Variants in RNF212 observed in about 807,000 individuals in gnomAD.
RNF212 encodes the protein probable E3 SUMO-protein ligase RNF212.
Under a neutral mutation model 34.7 loss-of-function variants are expected in RNF212, and 33 were observed. The observed-to-expected ratio is 0.95, with a 90% CI of 0.72 to 1.27. The LOEUF (loss-of-function observed/expected upper bound fraction) is 1.27. RNF212 is among the 50% of genes most tolerant of loss of function. The pLI is 0.00. For missense variants in RNF212, 377 were observed against 362.2 expected (o/e 1.04, Z -0.33); for synonymous variants, 140 against 136.1 (o/e 1.03, Z -0.20).
intron 1 of RNF212, among the ~76,000 whole-genome samples, chr4:1,110,607 T>C (rs1725508334): frequency 6.6e-6 from 1 of 151,968 alleles, no homozygotes; most frequent in African/African-American, 2.4e-5. Flanking sequence ...CGGAAGGAGG[T>C]CTATGTTTGA....
intron 2 of RNF212, chr4:1,099,893 G>A (rs1248128504): frequency 2.2e-6 from 1 of 456,038 alleles, no homozygotes; most frequent in Non-Finnish European, 4.4e-6. Context: ...AAGGCGTGCT[G>A]TTGGTGACTC....
chr4:1,068,808 T>A (rs572784935), downstream of RNF212, among the ~76,000 whole-genome samples: 10 of 152,350 alleles, frequency 6.6e-5, no homozygotes, highest in South Asian at 1.7e-3. Context: ...AAATGTTAAT[T>A]TCATTGGATA....
rs1722634879 is a variant in RNF212 at position 1,093,970 on chromosome 4, T to C, written c.246+2795A>G. 2.6e-6 allele frequency: 4 copies of C among 1,536,068 alleles called. No homozygotes were observed. The South Asian group carries it at 4.8e-5, about 18-fold the overall frequency. ...TGGGCACCTCCTTGGAGGATGTGGC[T>C]GGGCATAACTTGAGACGGCAACAGC... is the stretch of plus-strand genomic sequence containing the variant. On this transcript the variant is annotated intron_variant, in intron 3 of 9. Coordinates refer to ENST00000433731, the MANE Select transcript of RNF212 (RefSeq NM_001131034.4).
chr4:1,059,113 T>G (rs1717562842), intron 3 of RNF212, among the ~76,000 whole-genome samples: 1 of 152,186 alleles, frequency 6.6e-6, no homozygotes, highest in Non-Finnish European at 1.5e-5. Context: ...CCCAGCGCAG[T>G]GACTGTGACT....
At chr4:1,073,565 GTATC>G in intron 9 of RNF212, 30 bp downstream of exon 9, 1 of 1,409,824 alleles carries the variant, frequency 7.1e-7, no homozygotes, top group Non-Finnish European at 1.0e-6. Flanking sequence ...ATCGATGCAT[GTATC>G]GGTCTGAGGT....
intron 8 of RNF212, among the ~76,000 whole-genome samples, chr4:1,077,251 A>C (rs1719468666): frequency 6.6e-6 from 1 of 152,150 alleles, no homozygotes; most frequent in Non-Finnish European, 1.5e-5. Flanking sequence ...CAAACAAAAA[A>C]CAAAAAGCAA....
At chr4:1,107,392 C>G (rs990276508) in intron 2 of RNF212, 10 of 151,682 alleles carry the variant, frequency 6.6e-5, no homozygotes, top group African/African-American at 2.2e-4. Context: ...CACAATAACA[C>G]ACATAGAATA....
intron 8 of RNF212, among the ~76,000 whole-genome samples, chr4:1,074,696 G>A (rs1373629690): frequency 6.6e-6 from 1 of 152,106 alleles, no homozygotes; most frequent in Non-Finnish European, 1.5e-5. Context: ...TTCTCATGGA[G>A]CTGTCCACTA....
chr4:1,073,695 TTCCAATATTGCGGCTTACGAGATTCGG>T (rs749052168), intron 8 of RNF212, 33 bp from the exon 9 acceptor site: 2 of 1,507,776 alleles, frequency 1.3e-6, no homozygotes, highest in Non-Finnish European at 1.8e-6. Flanking sequence ...ATGGGTAAAA[TTCCAATATTGCGGCTTACGAGATTCGG>T]ACTCCCACTG....
At chr4:1,067,317 C>CA (rs1425105950), downstream of RNF212, among the ~76,000 whole-genome samples, 13 of 151,966 alleles carry the variant, frequency 8.6e-5, no homozygotes, top group Admixed American at 2.6e-4. Context: ...ATATATAAAA[C>CA]AAAAAACAGC....
At chr4:1,088,589 A>G (rs1205534820) in intron 4 of RNF212, among the ~76,000 whole-genome samples, 1 of 152,256 alleles carries the variant, frequency 6.6e-6, no homozygotes, top group Non-Finnish European at 1.5e-5. Flanking sequence ...AGAAATGTGC[A>G]TAAGTAACCA....
At chr4:1,064,310 AGTGAGT>A (rs989571185) in intron 3 of RNF212, among the ~76,000 whole-genome samples, 2 of 152,248 alleles carry the variant, frequency 1.3e-5, no homozygotes, top group Non-Finnish European at 2.9e-5. Context: ...TGTTCACCTC[AGTGAGT>A]GTTCACTGTG....
intron 2 of RNF212, among the ~76,000 whole-genome samples, chr4:1,103,770 C>A (rs1457599665): frequency 6.6e-6 from 1 of 152,104 alleles, no homozygotes; most frequent in Non-Finnish European, 1.5e-5. Flanking sequence ...AAACTTGATG[C>A]ACATATAATA....
intron 4 of RNF212, chr4:1,057,012 A>T: frequency 4.1e-6 from 4 of 986,922 alleles, no homozygotes; most frequent in Non-Finnish European, 4.8e-6. Flanking sequence ...ATCCTAATAA[A>T]TTCAAGAAAC....
At chr4:1,068,812 T>A (rs1718254458), downstream of RNF212, among the ~76,000 whole-genome samples, 1 of 152,236 alleles carries the variant, frequency 6.6e-6, no homozygotes, top group Non-Finnish European at 1.5e-5. Flanking sequence ...GTTAATTTCA[T>A]TGGATACAGA....
downstream of RNF212, among the ~76,000 whole-genome samples, chr4:1,066,517 A>G (rs1318968541): frequency 2.0e-5 from 3 of 150,834 alleles, no homozygotes; most frequent in East Asian, 6.0e-4. Flanking sequence ...TTTTGTAGAG[A>G]TGGGGGTTTC....
chr4:1,071,855 T>C lies in RNF212; in HGVS notation c.*1019A>G, dbSNP rs1277688658. Reference sequence around the variant, plus strand: ...AGCTGCTGCCACTTTGGAAGGTAGTTTGGCAATTTCTTTCAAAACTAAACA... The same window carrying C: ...AGCTGCTGCCACTTTGGAAGGTAGTCTGGCAATTTCTTTCAAAACTAAACA... On this transcript the variant is annotated 3_prime_UTR_variant, in exon 10 of 10. Coordinates refer to ENST00000433731, the MANE Select transcript of RNF212 (RefSeq NM_001131034.4). The C allele has an allele frequency of 6.6e-6, 1 of 152,216 alleles. No individual in the cohort carries two copies. The highest frequency in any genetic ancestry group is 1.5e-5 in the Non-Finnish European group (1 of 68,044). 9.4% of individuals were successfully genotyped at this position (152,216 alleles called of 1,614,324 possible).
At chr4:1,110,193 A>C (rs1319245236) in intron 1 of RNF212, among the ~76,000 whole-genome samples, 1 of 152,170 alleles carries the variant, frequency 6.6e-6, no homozygotes, top group African/African-American at 2.4e-5. Flanking sequence ...CTGATCTATA[A>C]ATAGTGCTCA....
intron 4 of RNF212, 33 bp downstream of exon 4, chr4:1,090,749 A>C (rs779684181): frequency 9.4e-6 from 12 of 1,280,198 alleles, no homozygotes; most frequent in Non-Finnish European, 1.4e-5. Flanking sequence ...AAGGTCAAAA[A>C]AATTCAAGTG....
Sources: gnomAD v4.1 joint callset for allele counts (sites outside exome capture counted in the v4.1 genomes callset) on GRCh38, gnomAD v4.1.1 for gene constraint, MANE v1.5 for transcripts, NCBI Gene and HGNC (gene_info 2026-07-23, HGNC 2026-07-21) for gene names.